AEBP1: variants seen among roughly 807,000 people sequenced by gnomAD.
AEBP1 encodes adipocyte enhancer-binding protein 1.
In AEBP1, 69 loss-of-function variants were observed where a neutral mutation model predicts 116.5. The ratio of observed to expected loss-of-function variants is 0.59; its 90% confidence interval spans 0.49 to 0.72. The LOEUF is 0.72. Among genes scored for constraint, AEBP1 ranks in the 30% least tolerant of loss-of-function variants. AEBP1 has a pLI of 0.00. For missense variants in AEBP1, 1,444 were observed against 1,557.5 expected (o/e 0.93, Z 1.23); for synonymous variants, 627 against 627.3 (o/e 1.00, Z 0.01).
At chr7:44,109,028 G>C in intron 7 of AEBP1, 52 bp downstream of exon 7, 2 of 1,607,510 alleles carry the variant, frequency 1.2e-6, no homozygotes, top group East Asian at 2.2e-5. Flanking sequence ...AGGCCACCTG[G>C]GGCCTGCCTG....
Position 44,110,728 on chromosome 7 carries a change from C to T in AEBP1, c.1404C>T (p.Asp468=), listed in dbSNP as rs1219697727. The T allele has an allele frequency of 7.2e-6, 11 of 1,522,718 alleles. No individual in the cohort carries two copies. The highest frequency in any genetic ancestry group is 1.8e-4 in the Middle Eastern group (1 of 5,622). The allele number at this position is 1,522,718 out of a possible 1,614,324, so 94.3% of individuals were successfully genotyped here. Residue 468 remains aspartate (D), a synonymous_variant, in exon 12 of 21, where the codon GAC becomes GAT. Coordinates refer to ENST00000223357, the MANE Select transcript of AEBP1 (RefSeq NM_001129.5). ...CTGACCACTGTCCACTCCACAGTGA[C>T]GATTTTGTGACCACCTTCTTCGTGG... is the stretch of plus-strand genomic sequence containing the variant. ...ITQGRDSSIH[D]DFVTTFFVGF...
chr7:44,110,960 C>T lies in AEBP1; in HGVS notation c.1533C>T (p.Leu511=). 1 of 1,614,010 alleles carries T rather than the reference C, an allele frequency of 6.2e-7. No homozygotes were observed. The highest frequency in any genetic ancestry group is 8.5e-7 in the Non-Finnish European group (1 of 1,180,006). The change falls in exon 13 of 21, where the codon CTC becomes CTT. Residue 511 remains leucine (L), a synonymous_variant. Transcript: ENST00000223357. ...VDKDTPVLSE[L]PEPVVARFIR... ...AGGACACACCCGTGCTGAGTGAGCTCCCAGAGCCGGTGGTGGCTCGTTTCA... is the reference window on the plus strand; with the variant it reads ...AGGACACACCCGTGCTGAGTGAGCTTCCAGAGCCGGTGGTGGCTCGTTTCA...
chr7:44,107,824 G>A lies in AEBP1; in HGVS notation c.755G>A (p.Arg252His), dbSNP rs200279382. ...TCCCCCTCAGTTGAGTACATTCGGC[G>A]CCAGAAGCAACCCAGGCCACCCCCA... Reference protein sequence around the residue: ...EDYEDFEYIRRQKQPRPPPSR... With the variant: ...EDYEDFEYIRHQKQPRPPPSR... Residue 252 changes from arginine (R) to histidine (H), a missense_variant, in exon 5 of 21, where the codon CGC becomes CAC. Transcript: ENST00000223357. This position sits in a 1 kb window ranked among gnomAD's most constrained non-coding sequence, Gnocchi z 4.3. 110 of 1,611,412 alleles carry A rather than the reference G, an allele frequency of 6.8e-5. No homozygotes were observed. Among genetic ancestry groups the A allele is most frequent in the Middle Eastern group, 1.6e-4 (1 of 6,070 alleles).
chr7:44,107,595 G>C lies in AEBP1; in HGVS notation c.668-34G>C. ...GCTTCCCCAGAGTAGGCCTGGGTGGGGTTGTCAGGCAGCTACCAGCGCTTT... is the reference window on the plus strand; with the variant it reads ...GCTTCCCCAGAGTAGGCCTGGGTGGCGTTGTCAGGCAGCTACCAGCGCTTT... On this transcript the variant is annotated intron_variant, in intron 3 of 20. Transcript: ENST00000223357. This position sits in a 1 kb window ranked among gnomAD's most constrained non-coding sequence, Gnocchi z 4.3. 1 of 1,613,434 alleles carries C rather than the reference G, an allele frequency of 6.2e-7. No homozygotes were observed. Among genetic ancestry groups the C allele is most frequent in the Non-Finnish European group, 8.5e-7 (1 of 1,179,874 alleles).
Position 44,107,574 on chromosome 7 carries a change from C to G in AEBP1, c.668-55C>G. ...CCCTGGCTGGTTGGACTGAGGGCTT[C>G]CCCAGAGTAGGCCTGGGTGGGGTTG... On this transcript the variant is annotated intron_variant, in intron 3 of 20. Coordinates refer to ENST00000223357, the MANE Select transcript of AEBP1 (RefSeq NM_001129.5). This position sits in a 1 kb window ranked among gnomAD's most constrained non-coding sequence, Gnocchi z 4.3. 1 of 1,613,206 alleles carries G rather than the reference C, an allele frequency of 6.2e-7. No homozygotes were observed. The highest frequency in any genetic ancestry group is 8.5e-7 in the Non-Finnish European group (1 of 1,179,738).
In AEBP1 at chr7:44,113,928, T is replaced by G. The variant is rs762422686; in HGVS notation, c.3144T>G (p.Thr1048=). 1 of 1,613,592 alleles carries G rather than the reference T, an allele frequency of 6.2e-7. No homozygotes were observed. Among genetic ancestry groups the G allele is most frequent in the Non-Finnish European group, 8.5e-7 (1 of 1,179,930 alleles). The change falls in exon 21 of 21, where the codon ACT becomes ACG. Residue 1048 remains threonine, a synonymous_variant. Transcript: ENST00000223357. The surrounding 1 kb of genome is among the most constrained non-coding windows in gnomAD (Gnocchi z 5.3). ...CCACCACCACCCTAGGCCCCCACAC[T>G]GTGCCTCCCACGCTGCCCCCTGCCC... ...LNATTTLGPH[T]VPPTLPPAPA... is the part of the protein sequence containing the mutation.
At chr7:44,110,685 A>C in intron 11 of AEBP1, 40 bp from the exon 12 acceptor site, 2 of 1,491,534 alleles carry the variant, frequency 1.3e-6, no homozygotes, top group Non-Finnish European at 1.8e-6. Flanking sequence ...AGGGCCTGGG[A>C]GGGGGAAGAC....
At chr7:44,109,382 G>T in intron 9 of AEBP1, 41 bp downstream of exon 9, 1 of 1,349,284 alleles carries the variant, frequency 7.4e-7, no homozygotes, top group South Asian at 1.4e-5. Flanking sequence ...GGGGCCACAG[G>T]ATGGGGGTGC....
rs1429446011 is a variant in AEBP1, at chr7:44,107,940, G to A, written c.862+9G>A. On this transcript the variant is annotated intron_variant, in intron 5 of 20. Coordinates refer to ENST00000223357, the MANE Select transcript of AEBP1 (RefSeq NM_001129.5). The surrounding 1 kb of genome is among the most constrained non-coding windows in gnomAD (Gnocchi z 4.3). ...CCCGGAGGAGAGGATTGGTAGGATGGGGGGCAGGAGAGGAGGTGCCATGGC... is the reference window on the plus strand; with the variant it reads ...CCCGGAGGAGAGGATTGGTAGGATGAGGGGCAGGAGAGGAGGTGCCATGGC... 2 of 1,567,926 alleles carry A rather than the reference G, an allele frequency of 1.3e-6. No homozygotes were observed. Among genetic ancestry groups the A allele is most frequent in the African/African-American group, 1.5e-5 (1 of 68,914 alleles).
rs758812174 is a variant in AEBP1 at position 44,112,266 on chromosome 7, G to A, written c.2162G>A (p.Arg721Gln). 9 of 1,594,432 alleles carry A rather than the reference G, an allele frequency of 5.6e-6. No individual in the cohort carries two copies. The highest frequency in any genetic ancestry group is 5.6e-5 in the South Asian group (5 of 89,756). ...GAEERKWVPYRVPNNNLPIPE... is the reference protein window; with the variant it reads ...GAEERKWVPYQVPNNNLPIPE... ...GAGGAGAGGAAATGGGTCCCCTACCGGGTCCCCAACAATAACTTGCCCATC... is the reference window on the plus strand; with the variant it reads ...GAGGAGAGGAAATGGGTCCCCTACCAGGTCCCCAACAATAACTTGCCCATC... Residue 721 changes from arginine (R) to glutamine (Q), a missense_variant, in exon 17 of 21, where the codon CGG (arginine) becomes CAG (glutamine). Transcript: ENST00000223357. This position sits in a 1 kb window ranked among gnomAD's most constrained non-coding sequence, Gnocchi z 6.6.
chr7:44,107,648 G>A lies in AEBP1; in HGVS notation c.687G>A (p.Glu229=). The part of the protein sequence containing the change: ...EHQPEPEEET[E]QPTLDYNDQI... ...CCTCAGAGCCGGAGGAGGAGACCGAGCAACCCACACTGGACTACAATGACC... is the reference window on the plus strand; with the variant it reads ...CCTCAGAGCCGGAGGAGGAGACCGAACAACCCACACTGGACTACAATGACC... The change falls in exon 4 of 21, where the codon GAG becomes GAA. Residue 229 remains glutamate, a synonymous_variant. Transcript: ENST00000223357. This position sits in a 1 kb window ranked among gnomAD's most constrained non-coding sequence, Gnocchi z 4.3. 6.2e-7 allele frequency: 1 copy of A among 1,613,620 alleles called. No homozygotes were observed. Among genetic ancestry groups the A allele is most frequent in the South Asian group, 1.1e-5 (1 of 91,078 alleles).
rs568795056 is a variant in AEBP1, at chr7:44,105,697, G to A, written c.253+779G>A. On this transcript the variant is annotated intron_variant, in intron 1 of 20. Transcript: ENST00000223357. ...TGCCTCTGGCTCTCCTTCCAGGCTT[G>A]CTCTCCTGGCTCTGGGGCACCGCTC... Among the ~76,000 whole-genome samples, 6 of 152,254 alleles carry A rather than the reference G, an allele frequency of 3.9e-5. No individual in the cohort carries two copies. The East Asian group carries it at 1.2e-3, about 29-fold the overall frequency.
In AEBP1 at chr7:44,114,145, C is replaced by T. The variant is rs763809494; in HGVS notation, c.3361C>T (p.Leu1121=). 3.1e-6 allele frequency: 5 copies of T among 1,613,990 alleles called. No individual in the cohort carries two copies. The South Asian group carries it at 3.3e-5, about 11-fold the overall frequency. ...TQLEPEFETQ[L]EPEFEEEEEE... Reference sequence around the variant, plus strand: ...GTTGGAGCCTGAGTTTGAGACCCAGCTGGAACCCGAGTTTGAGGAAGAGGA... The same window carrying T: ...GTTGGAGCCTGAGTTTGAGACCCAGTTGGAACCCGAGTTTGAGGAAGAGGA... The change falls in exon 21 of 21, where the codon CTG becomes TTG. Residue 1121 remains leucine (L), a synonymous_variant. Coordinates refer to ENST00000223357, the MANE Select transcript of AEBP1 (RefSeq NM_001129.5).
chr7:44,108,600 C>G lies in AEBP1; in HGVS notation c.941-299C>G, dbSNP rs777462301. 6.6e-6 allele frequency among the ~76,000 whole-genome samples: 1 copy of G among 152,216 alleles called. No individual in the cohort carries two copies. Among genetic ancestry groups the G allele is most frequent in the Non-Finnish European group, 1.5e-5 (1 of 68,032 alleles). ...CCCATCTCACCCCCCAGCCCGCAAC[C>G]CCAGGCACAGGTGCCAGTTGTCCCT... On this transcript the variant is annotated intron_variant, in intron 6 of 20. Transcript: ENST00000223357. This position sits in a 1 kb window ranked among gnomAD's most constrained non-coding sequence, Gnocchi z 5.0.
In AEBP1 at chr7:44,107,519, C is replaced by A; in HGVS notation, c.667+9C>A. The A allele has an allele frequency of 6.2e-7, 1 of 1,613,416 alleles. No homozygotes were observed. The highest frequency in any genetic ancestry group is 2.2e-5 in the East Asian group (1 of 44,866). On this transcript the variant is annotated intron_variant, in intron 3 of 20. Coordinates refer to ENST00000223357, the MANE Select transcript of AEBP1 (RefSeq NM_001129.5). The surrounding 1 kb of genome is among the most constrained non-coding windows in gnomAD (Gnocchi z 4.3). ...ACGGGAGCACCAGCCTGGTGAGTGG[C>A]CGTCATCCGCCTGGCCTTGGGGCCA...
At position 44,112,668 on chromosome 7, in the gene AEBP1, C is replaced by T; in HGVS notation, c.2328C>T (p.Ala776=). The change falls in exon 18 of 21, where the codon GCC becomes GCT. Residue 776 remains alanine, a synonymous_variant. Transcript: ENST00000223357. The surrounding 1 kb of genome is among the most constrained non-coding windows in gnomAD (Gnocchi z 6.6). The part of the protein sequence containing the change: ...ERLVSYPYDM[A]RTPTQEQLLA... Reference sequence around the variant, plus strand: ...TAGTATCCTACCCCTACGATATGGCCCGCACGCCTACCCAGGAGCAGCTGC... The same window carrying T: ...TAGTATCCTACCCCTACGATATGGCTCGCACGCCTACCCAGGAGCAGCTGC... The T allele has an allele frequency of 6.2e-7, 1 of 1,613,258 alleles. No homozygotes were observed.
rs1435449896 is a variant in AEBP1, at chr7:44,111,820, G to T, written c.1841-34G>T. 4 of 1,599,010 alleles carry T rather than the reference G, an allele frequency of 2.5e-6. No homozygotes were observed. ...TCCTCAGCTGCCCTGGGCCTCGGGA[G>T]ACTGAGTGCTCACTGAGGCTCCCGC... On this transcript the variant is annotated intron_variant, in intron 15 of 20. Transcript: ENST00000223357. This position sits in a 1 kb window ranked among gnomAD's most constrained non-coding sequence, Gnocchi z 4.7.
Position 44,104,602 on chromosome 7 carries a change from C to A in AEBP1, c.-64C>A. ...CGTCTCGATCCCCTCTCCGCCCTTTCCCAGAGACCCAGAGCCCCTGACCCC... is the reference window on the plus strand; with the variant it reads ...CGTCTCGATCCCCTCTCCGCCCTTTACCAGAGACCCAGAGCCCCTGACCCC... On this transcript the variant is annotated 5_prime_UTR_variant, in exon 1 of 21. Transcript: ENST00000223357. 1.7e-6 allele frequency: 2 copies of A among 1,185,732 alleles called. No homozygotes were observed. The highest frequency in any genetic ancestry group is 2.2e-6 in the Non-Finnish European group (2 of 897,840). 73.5% of individuals were successfully genotyped at this position (1,185,732 alleles called of 1,614,324 possible). A position where few individuals can be genotyped will look rare whatever the true frequency, so the allele number is the denominator to read the frequency against.
At position 44,104,782 on chromosome 7, in the gene AEBP1, G is replaced by T. The variant is rs1231281397; in HGVS notation, c.117G>T (p.Glu39Asp). 6.2e-7 allele frequency: 1 copy of T among 1,611,392 alleles called. No homozygotes were observed. Among genetic ancestry groups the T allele is most frequent in the African/African-American group, 1.3e-5 (1 of 74,994 alleles). ...LTDDEIEEFL[E>D]GFLSELEPEP... is the part of the protein sequence containing the mutation. ...ACGACGAGATCGAGGAGTTCCTCGA[G>T]GGCTTCCTGTCAGAGCTAGAACCTG... The change falls in exon 1 of 21, where the codon GAG (glutamate) becomes GAT (aspartate). Residue 39 changes from glutamate to aspartate, a missense_variant. By Grantham distance (45) the Glu-to-Asp change is conservative. Transcript: ENST00000223357.
Sources: gnomAD v4.1 joint callset for allele counts (sites outside exome capture counted in the v4.1 genomes callset) on GRCh38, gnomAD v4.1.1 for gene constraint, Gnocchi (gnomAD v3.1) non-coding constraint, MANE v1.5 for transcripts, NCBI Gene and HGNC (gene_info 2026-07-23, HGNC 2026-07-21) for gene names.